The following PIBF1 variants were observed in gnomAD, a reference collection of about 807,000 sequenced individuals.
PIBF1 encodes the protein progesterone-induced-blocking factor 1.
A neutral mutation model predicts 112.5 loss-of-function variants in PIBF1; 90 were observed. That is an observed-to-expected ratio of 0.80 (90% CI 0.67 to 0.95). The LOEUF (loss-of-function observed/expected upper bound fraction) is 0.95, where lower values mean the gene tolerates loss of function less well. Among genes scored for constraint, PIBF1 ranks in the 40% least tolerant of loss-of-function variants. PIBF1 has a pLI of 0.00. For missense variants in PIBF1, 915 were observed against 852.3 expected (o/e 1.07, Z -0.92); for synonymous variants, 301 against 288.6 (o/e 1.04, Z -0.44).
intron 14 of PIBF1, among the ~76,000 whole-genome samples, chr13:72,962,158 G>A (rs971852316): frequency 2.6e-5 from 4 of 152,098 alleles, no homozygotes; most frequent in Middle Eastern, 3.4e-3. Flanking sequence ...TTTTGTAACC[G>A]CTAATAATAT....
intron 14 of PIBF1, among the ~76,000 whole-genome samples, chr13:72,955,037 A>G (rs2042404531): frequency 6.6e-6 from 1 of 152,202 alleles, no homozygotes; most frequent in South Asian, 2.1e-4. Flanking sequence ...TTGGGAGGGC[A>G]GATGCTCAGA....
chr13:72,819,540 C>T (rs919588309), intron 5 of PIBF1, among the ~76,000 whole-genome samples: 20 of 151,966 alleles, frequency 1.3e-4, no homozygotes, highest in Admixed American at 7.2e-4. Flanking sequence ...AAAGAGTTGC[C>T]GACTGATTTG....
At chr13:72,917,011 C>CTTCTGCCATCT (rs1242155887) in intron 12 of PIBF1, 65 bp from the exon 13 acceptor site, 108 of 1,047,038 alleles carry the variant, frequency 1.0e-4, no homozygotes, top group Non-Finnish European at 1.4e-4. Flanking sequence ...TTTATTTTCA[C>CTTCTGCCATCT]TTCTGCCATC....
chr13:73,014,941 T>G (rs976434461), intron 17 of PIBF1, among the ~76,000 whole-genome samples: 4 of 152,192 alleles, frequency 2.6e-5, no homozygotes, highest in Admixed American at 6.5e-5. Context: ...TGCACTACCA[T>G]GCCTGGCTAA....
intron 3 of PIBF1, among the ~76,000 whole-genome samples, chr13:72,793,168 G>A (rs1566275970): frequency 6.6e-6 from 1 of 151,932 alleles, no homozygotes; most frequent in African/African-American, 2.4e-5. Context: ...AATTGAACTT[G>A]GAAATCATAC....
chr13:72,985,179 A>C (rs998839004), intron 16 of PIBF1, among the ~76,000 whole-genome samples: 1 of 152,022 alleles, frequency 6.6e-6, no homozygotes, highest in Non-Finnish European at 1.5e-5. Flanking sequence ...AGACACACAC[A>C]CAAAAAAAAA....
At chr13:72,980,689 G>A (rs1566513909) in intron 16 of PIBF1, among the ~76,000 whole-genome samples, 1 of 151,898 alleles carries the variant, frequency 6.6e-6, no homozygotes, top group Non-Finnish European at 1.5e-5. Context: ...CAGCTACTTG[G>A]GAGGCTGAGG....
At chr13:72,866,207 T>C (rs1208323607) in intron 10 of PIBF1, among the ~76,000 whole-genome samples, 1 of 152,180 alleles carries the variant, frequency 6.6e-6, no homozygotes, top group Non-Finnish European at 1.5e-5. Flanking sequence ...TCAGGACAGG[T>C]CTCTCATCTC....
At chr13:72,819,286 T>C (rs1263753171) in intron 5 of PIBF1, among the ~76,000 whole-genome samples, 2 of 152,100 alleles carry the variant, frequency 1.3e-5, no homozygotes, top group Non-Finnish European at 2.9e-5. Flanking sequence ...TTGATGAACA[T>C]GGCCTCTGAT....
chr13:72,883,318 T>A, intron 10 of PIBF1, among the ~76,000 whole-genome samples: 1 of 151,936 alleles, frequency 6.6e-6, no homozygotes, highest in East Asian at 1.9e-4. Flanking sequence ...GAAAGTAGAA[T>A]GATGGTAACC....
intron 14 of PIBF1, among the ~76,000 whole-genome samples, chr13:72,933,094 A>AAATAC (rs67524256): frequency 1.2e-4 from 1 of 8,450 alleles, no homozygotes; most frequent in East Asian, 3.1e-3. Context: ...CAGAAAAGAT[A>AAATAC]ATAAACAAAC....
intron 17 of PIBF1, among the ~76,000 whole-genome samples, chr13:73,002,295 G>A (rs2043895814): frequency 6.6e-6 from 1 of 152,208 alleles, no homozygotes; most frequent in South Asian, 2.1e-4. Flanking sequence ...ACTACAGGGA[G>A]AATGAAAGCT....
intron 8 of PIBF1, among the ~76,000 whole-genome samples, chr13:72,832,071 CCTTTTTTTTTTT>C (rs1241122966): frequency 6.7e-5 from 4 of 59,486 alleles, no homozygotes; most frequent in African/African-American, 1.7e-4. Flanking sequence ...GCAATTCCGG[CCTTTTTTTTTTT>C]TTTTTTTTTT....
intron 16 of PIBF1, among the ~76,000 whole-genome samples, chr13:72,996,727 ATAGCACTC>A (rs1200531199): frequency 6.6e-6 from 1 of 152,104 alleles, no homozygotes; most frequent in East Asian, 1.9e-4. Flanking sequence ...TGATCACACC[ATAGCACTC>A]TAGCATGGAC....
At chr13:72,860,696 A>T (rs1465008293) in intron 10 of PIBF1, among the ~76,000 whole-genome samples, 1 of 152,120 alleles carries the variant, frequency 6.6e-6, no homozygotes, top group African/African-American at 2.4e-5. Flanking sequence ...CAAATGCCAC[A>T]TTTTTATGAT....
At chr13:72,970,172 AAAGGCTAGAGTAAATATTC>A (rs145300397) in intron 15 of PIBF1, among the ~76,000 whole-genome samples, 4,083 of 152,324 alleles carry the variant, frequency 0.027, 75 homozygotes, top group Non-Finnish European at 0.041. Flanking sequence ...CAATTTCTAG[AAAGGCTAGAGTAAATATTC>A]ACTAAAATGA....
intron 10 of PIBF1, among the ~76,000 whole-genome samples, chr13:72,892,104 G>A (rs1248637084): frequency 6.6e-6 from 1 of 152,054 alleles, no homozygotes; most frequent in Non-Finnish European, 1.5e-5. Context: ...AGATAATGAT[G>A]TGCAAATTTG....
intron 16 of PIBF1, among the ~76,000 whole-genome samples, chr13:72,979,411 A>G: frequency 6.6e-6 from 1 of 152,190 alleles, no homozygotes. Flanking sequence ...GAGTAGGAAA[A>G]GTATCTTTCA....
At chr13:72,930,451 A>G (rs975349371) in intron 13 of PIBF1, among the ~76,000 whole-genome samples, 1 of 152,208 alleles carries the variant, frequency 6.6e-6, no homozygotes, top group Non-Finnish European at 1.5e-5. Context: ...AGTTCTTTAA[A>G]GAAATATACC....
Sources: gnomAD v4.1 joint callset for allele counts (sites outside exome capture counted in the v4.1 genomes callset) on GRCh38, gnomAD v4.1.1 for gene constraint, MANE v1.5 for transcripts, NCBI Gene and HGNC (gene_info 2026-07-23, HGNC 2026-07-21) for gene names.